COL4A6: variants seen among roughly 807,000 people sequenced by gnomAD.
COL4A6 encodes collagen type IV alpha 6 chain.
COL4A6 carries 59 observed loss-of-function variants against 126.7 expected under a neutral mutation model. The ratio of observed to expected loss-of-function variants is 0.47; its 90% CI spans 0.38 to 0.58. The LOEUF (loss-of-function observed/expected upper bound fraction) is 0.58. COL4A6 is among the 20% of genes least tolerant of loss of function. COL4A6 has a pLI of 0.00. For synonymous variants in COL4A6, 547 were observed against 496.6 expected (o/e 1.10, Z -1.35); for missense variants, 1,285 against 1,337.3 (o/e 0.96, Z 0.61).
At chrX:108,300,366 CTGTGTGTGTG>C (rs3039370) in intron 3 of COL4A6, among the ~76,000 whole-genome samples, 6 of 98,167 alleles carry the variant, frequency 6.1e-5, no homozygotes, top group African/African-American at 1.9e-4. Flanking sequence ...CTCTCTCTCT[CTGTGTGTGTG>C]TGTGTGTGTG....
In COL4A6 at chrX:108,343,165, A is replaced by ATAGTGTGTGTGTGT. The variant is rs1377817612; in HGVS notation, c.64-32338_64-32337insACACACACACACTA. Among the ~76,000 whole-genome samples the ATAGTGTGTGTGTGT allele has an allele frequency of 2.8e-3, 89 of 31,376 alleles. 1 individual carries two copies. Among genetic ancestry groups the ATAGTGTGTGTGTGT allele is most frequent in the African/African-American group, 7.4e-3 (81 of 11,001 alleles). The allele number at this position is 31,376 out of a possible 115,157, so 27.2% of individuals were successfully genotyped here. On this transcript the variant is annotated intron_variant, in intron 2 of 44. Coordinates refer to ENST00000334504, the MANE Select transcript of COL4A6 (RefSeq NM_033641.4). ...TATATATATATATATATATATATAT[A>ATAGTGTGTGTGTGT]GTGTGTGTGTGTGTGTGTGTGTGTG...
At chrX:108,219,094 G>A (rs374580755) in intron 5 of COL4A6, among the ~76,000 whole-genome samples, 1 of 112,280 alleles carries the variant, frequency 8.9e-6, no homozygotes, top group East Asian at 2.8e-4. Flanking sequence ...GATTAGGCTG[G>A]GTGGATGGAA....
chrX:108,227,893 G>A (rs756980539), intron 3 of COL4A6, among the ~76,000 whole-genome samples: 1 of 111,726 alleles, frequency 9.0e-6, no homozygotes, highest in South Asian at 3.8e-4. Context: ...CATTCAGATG[G>A]TTGGGGGGAC....
At chrX:108,407,071 T>G (rs2041221563) in intron 2 of COL4A6, among the ~76,000 whole-genome samples, 1 of 112,386 alleles carries the variant, frequency 8.9e-6, no homozygotes, top group East Asian at 2.8e-4. Flanking sequence ...TGCCACAGTT[T>G]TATGGCGTCT....
chrX:108,191,574 C>T, intron 18 of COL4A6, 41 bp from the exon 19 acceptor site: 1 of 1,175,210 alleles, frequency 8.5e-7, no homozygotes, highest in Non-Finnish European at 1.1e-6. Context: ...ATTATATCAC[C>T]TTACTCTCTG....
At chrX:108,230,644 T>TA (rs1337714779) in intron 3 of COL4A6, among the ~76,000 whole-genome samples, 10 of 112,248 alleles carry the variant, frequency 8.9e-5, no homozygotes, top group African/African-American at 3.2e-4. Context: ...GTAGAATACT[T>TA]AAACTTCACA....
intron 2 of COL4A6, among the ~76,000 whole-genome samples, chrX:108,423,326 ACAT>A (rs2064017266): frequency 8.9e-6 from 1 of 112,243 alleles, no homozygotes; most frequent in East Asian, 2.8e-4. Flanking sequence ...AATAACCCTA[ACAT>A]CAACAATAAT....
At chrX:108,217,982 C>A (rs771904072) in intron 5 of COL4A6, among the ~76,000 whole-genome samples, 1 of 112,000 alleles carries the variant, frequency 8.9e-6, no homozygotes, top group African/African-American at 3.2e-5. Context: ...AGCTGCAACT[C>A]ATTCTGCCAA....
chrX:108,214,314 G>T, intron 5 of COL4A6, 86 bp from the exon 6 acceptor site: 1 of 638,221 alleles, frequency 1.6e-6, no homozygotes, highest in African/African-American at 2.2e-5. Context: ...AGCCAAGCAT[G>T]CTATTAAACT....
Position 108,191,517 on chromosome X carries a change from T to C in COL4A6, c.1197A>G (p.Leu399=). 1.7e-6 allele frequency: 2 copies of C among 1,209,785 alleles called. No individual in the cohort carries two copies. Among genetic ancestry groups the C allele is most frequent in the Non-Finnish European group, 2.2e-6 (2 of 894,547 alleles). The change falls in exon 19 of 45, where the codon CTA becomes CTG. Residue 399 remains leucine (L), a synonymous_variant. Transcript: ENST00000334504. ...LPALSGVPGA[L]GPQGFPGLKG... ...TCAGCCCTGGAAATCCCTGAGGCCC[T>C]AGGGCTCCTGGGACACCTGGAAGAA...
chrX:108,378,225 T>C (rs752644514), intron 2 of COL4A6, among the ~76,000 whole-genome samples: 18 of 111,440 alleles, frequency 1.6e-4, no homozygotes, highest in Non-Finnish European at 3.2e-4. Context: ...CAAGTGAGCA[T>C]CAGTAACTTT....
chrX:108,343,984 TA>T (rs1365781530), intron 2 of COL4A6, among the ~76,000 whole-genome samples: 1 of 111,099 alleles, frequency 9.0e-6, no homozygotes, highest in East Asian at 2.8e-4. Context: ...AGGGATAAAA[TA>T]AAATTGCATG....
At chrX:108,250,357 G>A (rs760212106) in intron 3 of COL4A6, among the ~76,000 whole-genome samples, 4 of 110,487 alleles carry the variant, frequency 3.6e-5, no homozygotes, top group African/African-American at 1.3e-4. Context: ...ACAAAGTGGC[G>A]AATGAGCATC....
chrX:108,259,830 C>T (rs1372886502), intron 3 of COL4A6, among the ~76,000 whole-genome samples: 6 of 111,165 alleles, frequency 5.4e-5, no homozygotes, highest in Non-Finnish European at 1.1e-4. Flanking sequence ...TCTGAGGCTA[C>T]GTCCAAACTC....
intron 14 of COL4A6, 134 bp downstream of exon 14, chrX:108,196,377 G>A (rs1438916822): frequency 3.7e-6 from 2 of 544,964 alleles, no homozygotes; most frequent in Non-Finnish European, 6.2e-6. Flanking sequence ...GAGGTCTTAG[G>A]AACCTGCCAT....
At chrX:108,406,203 C>A (rs1420072171) in intron 2 of COL4A6, among the ~76,000 whole-genome samples, 2 of 111,462 alleles carry the variant, frequency 1.8e-5, no homozygotes, top group Admixed American at 1.9e-4. Flanking sequence ...ACTCCTGGAC[C>A]CACACCATCT....
chrX:108,194,634 A>T, intron 15 of COL4A6, 47 bp from the exon 16 acceptor site: 1 of 1,143,333 alleles, frequency 8.7e-7, no homozygotes, highest in Non-Finnish European at 1.2e-6. Flanking sequence ...ATGAGAGCAT[A>T]AGAGAGTCTG....
In COL4A6 at chrX:108,280,511, T is replaced by C. The variant is rs1438570821; in HGVS notation, c.144+30237A>G. On this transcript the variant is annotated intron_variant, in intron 3 of 44. Transcript: ENST00000334504. ...ATTGTGGCAATAATCAATAGCTTAC[T>C]GACCAAAAAGAGTCCAGGACCAGAT... Among the ~76,000 whole-genome samples the C allele has an allele frequency of 1.1e-4, 12 of 111,745 alleles. No homozygotes were observed. In the East Asian group the frequency reaches 1.1e-3, roughly 11 times the overall value.
Position 108,269,170 on chromosome X carries a change from A to G in COL4A6, c.144+41578T>C, listed in dbSNP as rs745351914. 38 of 329,731 alleles carry G rather than the reference A, an allele frequency of 1.2e-4. No homozygotes were observed. In the East Asian group the frequency reaches 3.2e-3, roughly 28 times the overall value. 27.2% of individuals were successfully genotyped at this position (329,731 alleles called of 1,213,427 possible). A position where few individuals can be genotyped will look rare whatever the true frequency, so the allele number is the denominator to read the frequency against. On this transcript the variant is annotated intron_variant, in intron 3 of 44. Coordinates refer to ENST00000334504, the MANE Select transcript of COL4A6 (RefSeq NM_033641.4). The stretch of plus-strand genomic sequence containing the variant: ...AAGTTGTGCTGCAGACAAAAAAAAA[A>G]TAATAGATCAGGAAAGCAAACTGTG...
Sources: gnomAD v4.1 joint callset for allele counts (sites outside exome capture counted in the v4.1 genomes callset) on GRCh38, gnomAD v4.1.1 for gene constraint, MANE v1.5 for transcripts, NCBI Gene and HGNC (gene_info 2026-07-23, HGNC 2026-07-21) for gene names.